Variants in AGPAT3 observed in about 807,000 individuals in gnomAD.
AGPAT3 encodes the protein 1-acylglycerol-3-phosphate O-acyltransferase 3.
AGPAT3 carries 5 observed loss-of-function variants against 47.3 expected under a neutral mutation model. That is an observed-to-expected ratio of 0.11 (90% CI 0.06 to 0.22). The LOEUF (loss-of-function observed/expected upper bound fraction) is 0.22. AGPAT3 is among the 10% of genes least tolerant of loss of function. The pLI is 1.00. For missense variants in AGPAT3, 315 were observed against 493.0 expected (o/e 0.64, Z 3.42); for synonymous variants, 212 against 208.3 (o/e 1.02, Z -0.15).
intron 2 of AGPAT3, among the ~76,000 whole-genome samples, chr21:43,912,379 C>T (rs1266486440): frequency 6.6e-6 from 1 of 152,268 alleles, no homozygotes; most frequent in Non-Finnish European, 1.5e-5. Flanking sequence ...AGGCGCTGGC[C>T]ATGGCGCAGA....
chr21:43,891,722 A>G (rs2086106429), intron 1 of AGPAT3, among the ~76,000 whole-genome samples: 1 of 152,010 alleles, frequency 6.6e-6, no homozygotes, highest in South Asian at 2.1e-4. Flanking sequence ...GACCCCACTA[A>G]TAATTCTAGT....
At chr21:43,956,015 C>G (rs953418538) in intron 2 of AGPAT3, among the ~76,000 whole-genome samples, 1 of 152,184 alleles carries the variant, frequency 6.6e-6, no homozygotes, top group Non-Finnish European at 1.5e-5. Flanking sequence ...TGTGCTGGCC[C>G]TCAAGCAGGC....
rs3737359 is a variant in AGPAT3 at position 43,971,293 on chromosome 21, C to T, written c.665-95C>T. The T allele has an allele frequency of 3.6e-5, 39 of 1,075,616 alleles. No individual in the cohort carries two copies. In the East Asian group the frequency reaches 5.4e-4, roughly 15 times the overall value. The allele number at this position is 1,075,616 out of a possible 1,614,324, so 66.6% of individuals were successfully genotyped here. A position where few individuals can be genotyped will look rare whatever the true frequency, so the allele number is the denominator to read the frequency against. Reference sequence around the variant, plus strand: ...GACCCCTCACGCGTTCTCCCCAGGACGGGGCCGGGTCCCAGGTGGAACTTG... The same window carrying T: ...GACCCCTCACGCGTTCTCCCCAGGATGGGGCCGGGTCCCAGGTGGAACTTG... On this transcript the variant is annotated intron_variant, in intron 6 of 9. Coordinates refer to ENST00000291572, the MANE Select transcript of AGPAT3 (RefSeq NM_020132.5).
At chr21:43,935,957 C>T (rs1226398833) in intron 2 of AGPAT3, among the ~76,000 whole-genome samples, 4 of 152,202 alleles carry the variant, frequency 2.6e-5, no homozygotes, top group Non-Finnish European at 4.4e-5. Flanking sequence ...CGGCTCGAGT[C>T]GGAAGCCAGA....
At chr21:43,943,536 C>T (rs550654775) in intron 2 of AGPAT3, among the ~76,000 whole-genome samples, 1 of 152,320 alleles carries the variant, frequency 6.6e-6, no homozygotes, top group East Asian at 1.9e-4. Context: ...TTCCCAGAAC[C>T]CTCAAGAGAA....
At position 43,908,790 on chromosome 21, in the gene AGPAT3, G is replaced by A. The variant is rs931712424; in HGVS notation, c.-49+4771G>A. Among the ~76,000 whole-genome samples, 2 of 152,226 alleles carry A rather than the reference G, an allele frequency of 1.3e-5. No individual in the cohort carries two copies. Among genetic ancestry groups the A allele is most frequent in the African/African-American group, 4.8e-5 (2 of 41,470 alleles). On this transcript the variant is annotated intron_variant, in intron 2 of 9. Transcript: ENST00000291572. This position sits in a 1 kb window ranked among gnomAD's most constrained non-coding sequence, Gnocchi z 4.9. ...CAGCGTGGTGGCCTGCCAGCTCCAG[G>A]CTGCAAAAGTCCCTCGTCATTTCAT... is the stretch of plus-strand genomic sequence containing the variant.
rs11369044 is a variant in AGPAT3 at position 43,972,147 on chromosome 21, AT to A, written c.767+668del. Among the ~76,000 whole-genome samples the A allele has an allele frequency of 1.8e-3, 268 of 148,384 alleles. 1 individual carries two copies. Among genetic ancestry groups the A allele is most frequent in the Non-Finnish European group, 3.2e-3 (212 of 66,900 alleles). On this transcript the variant is annotated intron_variant, in intron 7 of 9. Transcript: ENST00000291572. ...TGAAGGGAAAGGAAGAGCCTGTTTGATTTTTTTTTTTCTTGGAGACGGAGTT... is the reference window on the plus strand; with the variant it reads ...TGAAGGGAAAGGAAGAGCCTGTTTGATTTTTTTTTTCTTGGAGACGGAGTT...
chr21:43,881,365 C>T (rs1225878070), intron 1 of AGPAT3, among the ~76,000 whole-genome samples: 1 of 152,204 alleles, frequency 6.6e-6, no homozygotes, highest in Admixed American at 6.5e-5. Flanking sequence ...CTGAAAACTG[C>T]TAAAATTCTT....
intron 2 of AGPAT3, among the ~76,000 whole-genome samples, chr21:43,917,887 GTT>G (rs2086776000): frequency 7.7e-6 from 1 of 130,048 alleles, no homozygotes; most frequent in Non-Finnish European, 1.6e-5. Context: ...GGTTGTGGGG[GTT>G]GTAGGGGTTG....
chr21:43,935,909 C>G (rs1357388483), intron 2 of AGPAT3, among the ~76,000 whole-genome samples: 1 of 152,184 alleles, frequency 6.6e-6, no homozygotes, highest in South Asian at 2.1e-4. Context: ...TCCAGGTGCG[C>G]TAAGCAAACA....
chr21:43,925,942 G>A (rs1601324552), intron 2 of AGPAT3, among the ~76,000 whole-genome samples: 1 of 152,386 alleles, frequency 6.6e-6, no homozygotes, highest in Admixed American at 6.5e-5. Context: ...GCGCCATGTA[G>A]CTGCCTGCCC....
At position 43,981,213 on chromosome 21, in the gene AGPAT3, C is replaced by A. The variant is rs778066181; in HGVS notation, c.1042+26C>A. On this transcript the variant is annotated intron_variant, in intron 9 of 9. Transcript: ENST00000291572. The surrounding 1 kb of genome is among the most constrained non-coding windows in gnomAD (Gnocchi z 5.3). The stretch of plus-strand genomic sequence containing the variant: ...GTAATGGACACTGTCGCTAACAGCT[C>A]ACACTCTGACGGGCCTCACAGTATC... The A allele has an allele frequency of 6.8e-6, 11 of 1,611,066 alleles. No homozygotes were observed. Among genetic ancestry groups the A allele is most frequent in the Non-Finnish European group, 9.3e-6 (11 of 1,177,356 alleles).
intron 3 of AGPAT3, among the ~76,000 whole-genome samples, chr21:43,961,942 C>G (rs1366779804): frequency 6.6e-6 from 1 of 152,138 alleles, no homozygotes; most frequent in African/African-American, 2.4e-5. Context: ...ACTAGTAACC[C>G]AGCCCTTAGA....
chr21:43,962,620 G>C (rs1394923010), intron 3 of AGPAT3, among the ~76,000 whole-genome samples: 1 of 152,108 alleles, frequency 6.6e-6, no homozygotes, highest in Non-Finnish European at 1.5e-5. Context: ...AGCAAAAACC[G>C]GGGTGTGCAG....
chr21:43,937,352 G>A (rs1860404714), intron 2 of AGPAT3, among the ~76,000 whole-genome samples: 1 of 152,258 alleles, frequency 6.6e-6, no homozygotes, highest in Non-Finnish European at 1.5e-5. Context: ...TAGGTGGGAA[G>A]CCCCAGGGGT....
rs1007458988 is a variant in AGPAT3, at chr21:43,985,071, G to T, written c.*2679G>T. ...GGAGGCTCCCAGGCGGGAGGGCCCA[G>T]GCCCACCCACGGGCGTCTGGCCGGT... On this transcript the variant is annotated 3_prime_UTR_variant, in exon 10 of 10. Transcript: ENST00000291572. 3 of 455,654 alleles carry T rather than the reference G, an allele frequency of 6.6e-6. No homozygotes were observed. Among genetic ancestry groups the T allele is most frequent in the Non-Finnish European group, 1.3e-5 (3 of 226,634 alleles). 28.2% of individuals were successfully genotyped at this position (455,654 alleles called of 1,614,324 possible).
At chr21:43,904,639 G>A (rs376247299) in intron 2 of AGPAT3, among the ~76,000 whole-genome samples, 1 of 152,140 alleles carries the variant, frequency 6.6e-6, no homozygotes, top group Non-Finnish European at 1.5e-5. Flanking sequence ...TGAGTCACTG[G>A]GTGGGCCCAG....
rs759942977 is a variant in AGPAT3, at chr21:43,984,226, C to T, written c.*1834C>T. On this transcript the variant is annotated 3_prime_UTR_variant, in exon 10 of 10. Transcript: ENST00000291572. ...AATCTCATCCCTCCACCCGCCCACT[C>T]GGGCAGCTGTGCCGTGGGCAGGGCA... The T allele has an allele frequency of 1.3e-5, 2 of 152,308 alleles. No homozygotes were observed. The highest frequency in any genetic ancestry group is 6.5e-5 in the Admixed American group (1 of 15,288). The allele number at this position is 152,308 out of a possible 1,614,324, so 9.4% of individuals were successfully genotyped here. A position where few individuals can be genotyped will look rare whatever the true frequency, so the allele number is the denominator to read the frequency against.
intron 3 of AGPAT3, chr21:43,966,923 T>G (rs2146721798): frequency 6.6e-6 from 1 of 152,324 alleles, no homozygotes; most frequent in African/African-American, 2.4e-5. Context: ...GCCCACCTGC[T>G]TGGCCTCCCT....
Sources: allele counts gnomAD v4.1 joint callset (sites outside exome capture counted in the v4.1 genomes callset), GRCh38; gene constraint gnomAD v4.1.1; non-coding constraint Gnocchi (gnomAD v3.1); transcripts MANE v1.5; gene names NCBI Gene and HGNC (gene_info 2026-07-23, HGNC 2026-07-21).